The following EYS variants were observed in gnomAD, a reference collection of about 807,000 sequenced individuals.
EYS encodes the protein protein eyes shut homolog.
A neutral mutation model predicts 282.1 loss-of-function variants in EYS; 250 were observed. The observed-to-expected ratio is 0.89, with a 90% CI of 0.80 to 0.98. EYS has a LOEUF of 0.98. Ranked by LOEUF, EYS falls within the 50% of genes least tolerant of loss-of-function variation. The pLI is 0.00. For synonymous variants in EYS, 1,355 were observed against 1,282.9 expected (o/e 1.06, Z -1.20); for missense variants, 4,016 against 3,709.0 (o/e 1.08, Z -2.15).
At chr6:65,574,339 A>G (rs1354904200) in intron 2 of EYS, among the ~76,000 whole-genome samples, 1 of 152,166 alleles carries the variant, frequency 6.6e-6, no homozygotes, top group Admixed American at 6.6e-5. Context: ...AAACTGTCCA[A>G]AATCAAAGAC....
At chr6:65,029,293 A>G (rs1772524308) in intron 13 of EYS, among the ~76,000 whole-genome samples, 1 of 152,040 alleles carries the variant, frequency 6.6e-6, no homozygotes, top group South Asian at 2.1e-4. Context: ...GTTAGGAAAT[A>G]TGTGCATGTG....
At chr6:64,619,925 T>C (rs2149851608) in intron 23 of EYS, among the ~76,000 whole-genome samples, 1 of 152,222 alleles carries the variant, frequency 6.6e-6, no homozygotes, top group African/African-American at 2.4e-5. Flanking sequence ...GTAAATGCTC[T>C]ACGAAAAGGG....
chr6:65,583,596 T>C (rs982292891), intron 2 of EYS, among the ~76,000 whole-genome samples: 4 of 152,138 alleles, frequency 2.6e-5, no homozygotes, highest in Non-Finnish European at 4.4e-5. Flanking sequence ...TTTTCATTAA[T>C]ATCTTCACTT....
intron 39 of EYS, among the ~76,000 whole-genome samples, chr6:63,784,779 C>A (rs138490242): frequency 3.2e-4 from 48 of 152,252 alleles, no homozygotes; most frequent in Middle Eastern, 6.8e-3. Context: ...AAATCCAAAC[C>A]ATATCACCAT....
chr6:64,873,129 G>C (rs1407857528), intron 19 of EYS, among the ~76,000 whole-genome samples: 1 of 152,068 alleles, frequency 6.6e-6, no homozygotes, highest in Non-Finnish European at 1.5e-5. Context: ...GAGGTTTATA[G>C]GACTTACTGT....
intron 24 of EYS, among the ~76,000 whole-genome samples, chr6:64,601,566 T>G (rs1238596649): frequency 6.6e-6 from 1 of 152,124 alleles, no homozygotes; most frequent in Admixed American, 6.6e-5. Context: ...GAATTTGCTT[T>G]GCCACAAATA....
chr6:65,356,095 A>T (rs1423489127), intron 8 of EYS, among the ~76,000 whole-genome samples: 1 of 152,104 alleles, frequency 6.6e-6, no homozygotes, highest in African/African-American at 2.4e-5. Flanking sequence ...CCAATTGATG[A>T]CTAGATAAAG....
chr6:64,995,469 C>A (rs1026419248), intron 14 of EYS, among the ~76,000 whole-genome samples: 1 of 152,000 alleles, frequency 6.6e-6, no homozygotes, highest in Admixed American at 6.6e-5. Flanking sequence ...AGTCTTTAGG[C>A]CCCAGACACA....
intron 31 of EYS, among the ~76,000 whole-genome samples, chr6:64,122,168 T>G (rs1328999026): frequency 6.6e-6 from 1 of 152,142 alleles, no homozygotes; most frequent in African/African-American, 2.4e-5. Flanking sequence ...TACCTACAGA[T>G]TTAGGATCTA....
intron 35 of EYS, among the ~76,000 whole-genome samples, chr6:63,925,766 C>A (rs952347797): frequency 6.6e-6 from 1 of 152,196 alleles, no homozygotes; most frequent in Non-Finnish European, 1.5e-5. Context: ...GCCTCAGCCT[C>A]CCGAGTAGTT....
chr6:63,859,075 G>GTTTT (rs745344580), intron 36 of EYS, among the ~76,000 whole-genome samples: 3 of 47,934 alleles, frequency 6.3e-5, no homozygotes, highest in Admixed American at 2.5e-4. Flanking sequence ...GTCCTAGAGA[G>GTTTT]TTTTTTTTTT....
chr6:64,130,509 A>G (rs1582314179), intron 31 of EYS, among the ~76,000 whole-genome samples: 1 of 152,110 alleles, frequency 6.6e-6, no homozygotes, highest in Non-Finnish European at 1.5e-5. Flanking sequence ...ATAACATTAG[A>G]AGATATACCT....
intron 9 of EYS, among the ~76,000 whole-genome samples, chr6:65,351,280 T>C (rs1995443): frequency 0.67 from 102,126 of 151,440 alleles, 34,538 homozygotes; most frequent in South Asian, 0.72. Context: ...AGCGGTCACA[T>C]AATTTTAATT....
intron 31 of EYS, among the ~76,000 whole-genome samples, chr6:64,090,895 T>A (rs1481367011): frequency 6.6e-6 from 1 of 152,172 alleles, no homozygotes; most frequent in African/African-American, 2.4e-5. Context: ...ATTCCTTTCA[T>A]ATCTCCTCTG....
At chr6:64,198,284 G>T (rs1275194718) in intron 31 of EYS, among the ~76,000 whole-genome samples, 1 of 151,918 alleles carries the variant, frequency 6.6e-6, no homozygotes, top group Non-Finnish European at 1.5e-5. Flanking sequence ...TGGGGTTACA[G>T]GTGTGAGCCA....
intron 22 of EYS, among the ~76,000 whole-genome samples, chr6:64,672,030 T>G (rs1285764223): frequency 6.6e-6 from 1 of 152,202 alleles, no homozygotes; most frequent in African/African-American, 2.4e-5. Context: ...AAAATGAATA[T>G]GGCATTTTAT....
At chr6:63,762,925 C>T (rs1240276297) in intron 40 of EYS, among the ~76,000 whole-genome samples, 1 of 152,046 alleles carries the variant, frequency 6.6e-6, no homozygotes, top group Admixed American at 6.6e-5. Context: ...AACTCCCACA[C>T]CACCACCTAA....
At chr6:63,787,696 C>T (rs904135081) in intron 39 of EYS, among the ~76,000 whole-genome samples, 10 of 152,132 alleles carry the variant, frequency 6.6e-5, no homozygotes, top group Non-Finnish European at 2.9e-5. Flanking sequence ...AATCCCAGCA[C>T]TTTGGGAGGC....
chr6:64,749,750 C>T (rs964224857), intron 22 of EYS, among the ~76,000 whole-genome samples: 9 of 152,124 alleles, frequency 5.9e-5, no homozygotes, highest in Non-Finnish European at 1.3e-4. Context: ...GAACAGGAAT[C>T]GATAGCCCAG....
Sources: gnomAD v4.1 joint callset for allele counts (sites outside exome capture counted in the v4.1 genomes callset) on GRCh38, gnomAD v4.1.1 for gene constraint, MANE v1.5 for transcripts, NCBI Gene and HGNC (gene_info 2026-07-23, HGNC 2026-07-21) for gene names.